The following NRXN3 variants were observed in gnomAD, a reference collection of about 807,000 sequenced individuals.
NRXN3 encodes the protein neurexin III.
NRXN3 carries 32 observed loss-of-function variants against 137.6 expected under a neutral mutation model. The ratio of observed to expected loss-of-function variants is 0.23; its 90% CI spans 0.18 to 0.31. The LOEUF (loss-of-function observed/expected upper bound fraction) is 0.31. Ranked by LOEUF, NRXN3 falls within the 10% of genes least tolerant of loss-of-function variation. The pLI, the probability that NRXN3 is intolerant of heterozygous loss-of-function variation, is 1.00. For synonymous variants in NRXN3, 798 were observed against 784.5 expected (o/e 1.02, Z -0.29); for missense variants, 1,574 against 2,062.5 (o/e 0.76, Z 4.59).
chr14:79,263,511 A>G (rs912793506), intron 15 of NRXN3, among the ~76,000 whole-genome samples: 1 of 152,122 alleles, frequency 6.6e-6, no homozygotes, highest in African/African-American at 2.4e-5. Flanking sequence ...TCAAATCAGG[A>G]GGTGGGAGAT....
At chr14:79,206,416 G>C (rs1478184390) in intron 15 of NRXN3, among the ~76,000 whole-genome samples, 1 of 152,164 alleles carries the variant, frequency 6.6e-6, no homozygotes, top group African/African-American at 2.4e-5. Context: ...ATGTCTGCCT[G>C]TGCCACTTAC....
intron 16 of NRXN3, among the ~76,000 whole-genome samples, chr14:79,485,397 G>T (rs1030597164): frequency 2.0e-4 from 30 of 151,920 alleles, no homozygotes; most frequent in Admixed American, 2.0e-3. Context: ...CATTGCTTTA[G>T]GCCATTGCTT....
chr14:78,806,849 A>G (rs2098874014), intron 9 of NRXN3, among the ~76,000 whole-genome samples: 1 of 152,236 alleles, frequency 6.6e-6, no homozygotes, highest in African/African-American at 2.4e-5. Context: ...TTTTAATCTC[A>G]TGATCTCATG....
intron 15 of NRXN3, among the ~76,000 whole-genome samples, chr14:79,424,131 C>A (rs989166897): frequency 1.3e-5 from 2 of 152,138 alleles, no homozygotes; most frequent in Non-Finnish European, 2.9e-5. Flanking sequence ...TCTTTTCAGA[C>A]AATGGAATCA....
At chr14:78,910,331 T>G (rs1321983107) in intron 10 of NRXN3, among the ~76,000 whole-genome samples, 1 of 152,090 alleles carries the variant, frequency 6.6e-6, no homozygotes, top group Non-Finnish European at 1.5e-5. Context: ...ATTTGTGGGG[T>G]GCAGATATAA....
At chr14:79,200,165 G>C (rs2065766456) in intron 15 of NRXN3, 1 of 152,194 alleles carries the variant, frequency 6.6e-6, no homozygotes, top group Admixed American at 6.5e-5. Flanking sequence ...GAGTTTTGAG[G>C]TTTGGATGAC....
intron 10 of NRXN3, among the ~76,000 whole-genome samples, chr14:78,948,964 G>C (rs1309742128): frequency 6.6e-6 from 1 of 152,116 alleles, no homozygotes; most frequent in Non-Finnish European, 1.5e-5. Flanking sequence ...ACAGAGCTTT[G>C]CTCTGTCTCT....
At chr14:78,447,160 A>T (rs879634152) in intron 4 of NRXN3, among the ~76,000 whole-genome samples, 2 of 152,212 alleles carry the variant, frequency 1.3e-5, no homozygotes, top group Admixed American at 1.3e-4. Flanking sequence ...CCTCAGGCAA[A>T]CCACCTAACC....
intron 10 of NRXN3, among the ~76,000 whole-genome samples, chr14:78,835,150 G>A (rs919774575): frequency 2.6e-5 from 4 of 152,166 alleles, no homozygotes; most frequent in African/African-American, 9.7e-5. Flanking sequence ...TTAGGTTGGA[G>A]GGGAGAGAGA....
intron 15 of NRXN3, among the ~76,000 whole-genome samples, chr14:79,067,212 A>G (rs1253002119): frequency 6.6e-6 from 1 of 152,170 alleles, no homozygotes; most frequent in Non-Finnish European, 1.5e-5. Context: ...TTCTGCATCT[A>G]TTGAGATAAT....
At chr14:79,364,429 T>C (rs571307635) in intron 15 of NRXN3, among the ~76,000 whole-genome samples, 59 of 152,348 alleles carry the variant, frequency 3.9e-4, no homozygotes, top group African/African-American at 1.4e-3. Context: ...ATGCTTCCCA[T>C]GTGCAGGAGA....
At chr14:79,293,867 A>G (rs1203555956) in intron 15 of NRXN3, among the ~76,000 whole-genome samples, 1 of 152,224 alleles carries the variant, frequency 6.6e-6, no homozygotes, top group Non-Finnish European at 1.5e-5. Flanking sequence ...TTTTGAGCCT[A>G]ATTACATGGA....
chr14:79,298,718 TA>T (rs550193185), intron 15 of NRXN3: 4 of 152,030 alleles, frequency 2.6e-5, no homozygotes, highest in Admixed American at 2.0e-4. Flanking sequence ...AAAATGAGTT[TA>T]AAAAATATTC....
At chr14:78,794,169 G>A (rs113156693) in intron 8 of NRXN3, among the ~76,000 whole-genome samples, 1 of 151,912 alleles carries the variant, frequency 6.6e-6, no homozygotes, top group Non-Finnish European at 1.5e-5. Context: ...TCACCCGAGA[G>A]GTCAGGAGTT....
chr14:78,961,563 T>G (rs2099408232), intron 11 of NRXN3, among the ~76,000 whole-genome samples: 1 of 152,176 alleles, frequency 6.6e-6, no homozygotes. Context: ...GCAGCATAAT[T>G]AGTAATAGCG....
At chr14:79,332,235 C>G (rs1398880968) in intron 15 of NRXN3, among the ~76,000 whole-genome samples, 1 of 152,190 alleles carries the variant, frequency 6.6e-6, no homozygotes, top group African/African-American at 2.4e-5. Flanking sequence ...CAACCTTATA[C>G]TGCTTATTGC....
At chr14:78,302,705 T>A (rs1322202591) in intron 4 of NRXN3, among the ~76,000 whole-genome samples, 5 of 152,226 alleles carry the variant, frequency 3.3e-5, no homozygotes, top group Non-Finnish European at 7.3e-5. Context: ...CAGCTTCCCT[T>A]TATGATGTCT....
chr14:78,465,915 G>A (rs965196597), intron 4 of NRXN3, among the ~76,000 whole-genome samples: 7 of 151,354 alleles, frequency 4.6e-5, no homozygotes, highest in African/African-American at 1.2e-4. Flanking sequence ...GCAGTGACGC[G>A]ATCTCGGCTC....
intron 4 of NRXN3, among the ~76,000 whole-genome samples, chr14:78,621,000 A>T (rs1566908923): frequency 2.0e-5 from 3 of 152,202 alleles, no homozygotes; most frequent in Non-Finnish European, 4.4e-5. Context: ...CTTCAGAAGG[A>T]TCAACCAATA....
Sources: allele counts gnomAD v4.1 joint callset (sites outside exome capture counted in the v4.1 genomes callset), GRCh38; gene constraint gnomAD v4.1.1; transcripts MANE v1.5; gene names NCBI Gene and HGNC (gene_info 2026-07-23, HGNC 2026-07-21).